The following DYNC2I1 variants were observed in gnomAD, a reference collection of about 807,000 sequenced individuals.
DYNC2I1 encodes dynein 2 intermediate chain 1, also known as cytoplasmic dynein 2 intermediate chain 1.
In DYNC2I1, 89 loss-of-function variants were observed where a neutral mutation model predicts 133.4. The ratio of observed to expected loss-of-function variants is 0.67; its 90% CI spans 0.56 to 0.80. The LOEUF is 0.80. DYNC2I1 is among the 30% of genes least tolerant of loss of function. DYNC2I1 has a pLI of 0.00. For missense variants in DYNC2I1, 1,291 were observed against 1,314.5 expected, an observed-to-expected ratio of 0.98 and a Z score of 0.28; for synonymous variants, 504 against 484.3, an observed-to-expected ratio of 1.04 and a Z score of -0.54.
At chr7:158,904,874 G>A (rs842700) in intron 10 of DYNC2I1, 32,865 of 241,554 alleles carry the variant, frequency 0.14, 2,574 homozygotes, top group Middle Eastern at 0.19. Context: ...GTAAAGCTTT[G>A]TTGTGAAGAT....
intron 3 of DYNC2I1, 28 bp downstream of exon 3, chr7:158,871,590 T>A: frequency 6.7e-7 from 1 of 1,503,616 alleles, no homozygotes; most frequent in Non-Finnish European, 8.8e-7. Context: ...TTCCTGTGGT[T>A]CCACCCGAGG....
intron 8 of DYNC2I1, among the ~76,000 whole-genome samples, chr7:158,894,386 A>AT (rs1479776178): frequency 6.6e-6 from 1 of 152,224 alleles, no homozygotes; most frequent in Non-Finnish European, 1.5e-5. Context: ...AAGTAAAAAA[A>AT]AATAATAATA....
upstream of DYNC2I1, among the ~76,000 whole-genome samples, chr7:158,853,154 C>T (rs1400144010): frequency 6.6e-6 from 1 of 152,176 alleles, no homozygotes; most frequent in Non-Finnish European, 1.5e-5. Context: ...AAAACAAAAG[C>T]TTGGTGGCCA....
At chr7:158,887,100 C>T in intron 7 of DYNC2I1, 25 bp downstream of exon 7, 1 of 1,607,456 alleles carries the variant, frequency 6.2e-7, no homozygotes, top group Non-Finnish European at 8.5e-7. Flanking sequence ...ACTGAGAATA[C>T]ATTGATTTTA....
At position 158,945,576 on chromosome 7, in the gene DYNC2I1, T is replaced by C; in HGVS notation, c.3003-5T>C. ...GACCCTCTGCTTCTGCCCCTCTCCC[T>C]GCAGGCTGGTGGCCATGGCTGCGGT... On this transcript the variant is annotated splice_polypyrimidine_tract_variant and splice_region_variant and intron_variant, in intron 24 of 24. Coordinates refer to ENST00000407559, the MANE Select transcript of DYNC2I1 (RefSeq NM_018051.5). This position sits in a 1 kb window ranked among gnomAD's most constrained non-coding sequence, Gnocchi z 4.1. 1.2e-6 allele frequency: 2 copies of C among 1,600,064 alleles called. No homozygotes were observed. Among genetic ancestry groups the C allele is most frequent in the South Asian group, 2.3e-5 (2 of 88,468 alleles).
intron 7 of DYNC2I1, among the ~76,000 whole-genome samples, chr7:158,890,428 C>A (rs956295718): frequency 1.3e-5 from 2 of 152,030 alleles, no homozygotes; most frequent in African/African-American, 4.8e-5. Context: ...CCTGATTTTA[C>A]AGCAGCAACA....
chr7:158,895,448 G>T (rs1845675799), intron 8 of DYNC2I1, among the ~76,000 whole-genome samples: 2 of 152,180 alleles, frequency 1.3e-5, no homozygotes, highest in Admixed American at 6.5e-5. Context: ...ATCAGTTGAT[G>T]TATTTATGTG....
At chr7:158,885,622 G>A (rs561314151) in intron 6 of DYNC2I1, among the ~76,000 whole-genome samples, 3 of 152,240 alleles carry the variant, frequency 2.0e-5, no homozygotes, top group Admixed American at 6.5e-5. Flanking sequence ...GATTACAGGC[G>A]TGAGCCACTG....
intron 1 of DYNC2I1, among the ~76,000 whole-genome samples, chr7:158,866,728 T>A (rs1409591078): frequency 6.6e-6 from 1 of 150,870 alleles, no homozygotes; most frequent in Admixed American, 6.6e-5. Flanking sequence ...CTACTAAAAT[T>A]ACGAAACTTA....
At chr7:158,869,435 A>G (rs1563082089) in intron 1 of DYNC2I1, 1 of 471,492 alleles carries the variant, frequency 2.1e-6, no homozygotes, top group East Asian at 6.9e-5. Context: ...TCCTGGGTTG[A>G]GCCCAGCGGC....
chr7:158,945,573 C>T lies in DYNC2I1; in HGVS notation c.3003-8C>T, dbSNP rs559599842. 2 of 1,598,394 alleles carry T rather than the reference C, an allele frequency of 1.3e-6. No individual in the cohort carries two copies. Among genetic ancestry groups the T allele is most frequent in the East Asian group, 2.3e-5 (1 of 44,192 alleles). ...ACTGACCCTCTGCTTCTGCCCCTCT[C>T]CCTGCAGGCTGGTGGCCATGGCTGC... On this transcript the variant is annotated splice_polypyrimidine_tract_variant and splice_region_variant and intron_variant, in intron 24 of 24. Coordinates refer to ENST00000407559, the MANE Select transcript of DYNC2I1 (RefSeq NM_018051.5). The surrounding 1 kb of genome is among the most constrained non-coding windows in gnomAD (Gnocchi z 4.1).
At chr7:158,917,689 C>T (rs1351920632) in intron 14 of DYNC2I1, among the ~76,000 whole-genome samples, 1 of 149,150 alleles carries the variant, frequency 6.7e-6, no homozygotes, top group Non-Finnish European at 1.5e-5. Flanking sequence ...CACCCTCCAC[C>T]TCTCACTAAA....
intron 14 of DYNC2I1, among the ~76,000 whole-genome samples, chr7:158,915,222 CTG>C (rs553021628): frequency 1.7e-3 from 152 of 89,848 alleles, no homozygotes; most frequent in African/African-American, 6.4e-3. Flanking sequence ...TTAAGGATGA[CTG>C]TGAAACATCG....
rs115283150 is a variant in DYNC2I1 at position 158,912,216 on chromosome 7, C to T, written c.1590+537C>T. On this transcript the variant is annotated intron_variant, in intron 12 of 24. Coordinates refer to ENST00000407559, the MANE Select transcript of DYNC2I1 (RefSeq NM_018051.5). The stretch of plus-strand genomic sequence containing the variant: ...AGTTCCTACAATTTACTATTTCATG[C>T]AATTTTGTACTTCCCTGTAGTATTT... Among the ~76,000 whole-genome samples, 569 of 152,254 alleles carry T rather than the reference C, an allele frequency of 3.7e-3. 10 individuals carry two copies. The highest frequency in any genetic ancestry group is 0.012 in the African/African-American group (517 of 41,530).
chr7:158,884,851 T>A (rs1844440697), intron 6 of DYNC2I1, among the ~76,000 whole-genome samples: 1 of 152,236 alleles, frequency 6.6e-6, no homozygotes, highest in South Asian at 2.1e-4. Context: ...GCCTTTTAAA[T>A]TAATTATATT....
At chr7:158,911,905 G>A (rs948224315) in intron 12 of DYNC2I1, among the ~76,000 whole-genome samples, 1 of 152,222 alleles carries the variant, frequency 6.6e-6, no homozygotes, top group Non-Finnish European at 1.5e-5. Context: ...AGCTCTGGTG[G>A]GTGATCTGCT....
At chr7:158,852,439 G>A (rs1224439762), upstream of DYNC2I1, among the ~76,000 whole-genome samples, 2 of 151,662 alleles carry the variant, frequency 1.3e-5, no homozygotes, top group Non-Finnish European at 2.9e-5. Context: ...TGGTTTTGAG[G>A]GAGAGAATTA....
At chr7:158,893,447 CCAAA>C (rs1845433151) in intron 8 of DYNC2I1, among the ~76,000 whole-genome samples, 1 of 152,142 alleles carries the variant, frequency 6.6e-6, no homozygotes, top group African/African-American at 2.4e-5. Context: ...TAAATGTGCT[CCAAA>C]CAGTTACGTT....
chr7:158,916,066 G>T (rs1453551327), intron 14 of DYNC2I1, among the ~76,000 whole-genome samples: 1 of 76,266 alleles, frequency 1.3e-5, no homozygotes, highest in African/African-American at 4.4e-5. Context: ...GTGAAACGTT[G>T]ACACGCTGGT....
Sources: gnomAD v4.1 joint callset for allele counts (sites outside exome capture counted in the v4.1 genomes callset) on GRCh38, gnomAD v4.1.1 for gene constraint, Gnocchi (gnomAD v3.1) non-coding constraint, MANE v1.5 for transcripts, NCBI Gene and HGNC (gene_info 2026-07-23, HGNC 2026-07-21) for gene names.